ASCC3: variants seen among roughly 807,000 people sequenced by gnomAD.
The protein encoded by ASCC3 is activating signal cointegrator 1 complex subunit 3, also known as ASC-1 complex subunit P200.
Under a neutral mutation model 256.3 loss-of-function variants are expected in ASCC3, and 158 were observed. That is an observed-to-expected ratio of 0.62 (90% CI 0.54 to 0.70). The LOEUF (loss-of-function observed/expected upper bound fraction) is 0.70. ASCC3 is among the 30% of genes least tolerant of loss of function. The probability of loss-of-function intolerance (pLI) is 0.00; values close to 1 mark genes in which losing one functional copy is unlikely to be tolerated. For synonymous variants in ASCC3, 948 were observed against 883.4 expected, an observed-to-expected ratio of 1.07 and a Z score of -1.30; for missense variants, 2,259 against 2,626.0, an observed-to-expected ratio of 0.86 and a Z score of 3.05.
intron 33 of ASCC3, among the ~76,000 whole-genome samples, chr6:100,604,187 C>T (rs961739418): frequency 1.3e-5 from 2 of 151,894 alleles, no homozygotes; most frequent in Admixed American, 6.6e-5. Flanking sequence ...CTATTTGATA[C>T]AAAATTTAAA....
chr6:100,815,231 A>C (rs879316005), intron 4 of ASCC3, among the ~76,000 whole-genome samples: 1 of 152,080 alleles, frequency 6.6e-6, no homozygotes, highest in Non-Finnish European at 1.5e-5. Context: ...TCTCTACAAA[A>C]GGAACTACAA....
intron 36 of ASCC3, among the ~76,000 whole-genome samples, chr6:100,549,849 G>A (rs1769199741): frequency 6.6e-6 from 1 of 151,956 alleles, no homozygotes; most frequent in Non-Finnish European, 1.5e-5. Context: ...AACTGGATGT[G>A]TTGGAAAGTT....
At chr6:100,678,121 C>T (rs2114961905) in intron 14 of ASCC3, among the ~76,000 whole-genome samples, 1 of 152,180 alleles carries the variant, frequency 6.6e-6, no homozygotes, top group African/African-American at 2.4e-5. Flanking sequence ...ACACCAGTGA[C>T]CACTTAATAA....
chr6:100,738,381 A>G (rs1780280122), intron 10 of ASCC3, among the ~76,000 whole-genome samples: 1 of 151,970 alleles, frequency 6.6e-6, no homozygotes, highest in African/African-American at 2.4e-5. Flanking sequence ...ATCCATCTTG[A>G]GTTAATTTTT....
Position 100,679,746 on chromosome 6 carries a change from C to T in ASCC3, c.2158G>A (p.Val720Met). 6.2e-7 allele frequency: 1 copy of T among 1,613,400 alleles called. No individual in the cohort carries two copies. Among genetic ancestry groups the T allele is most frequent in the East Asian group, 2.2e-5 (1 of 44,756 alleles). ...KQVKAGHQVM[V>M]FVHARNATVR... The stretch of plus-strand genomic sequence containing the variant: ...GTGGCATTTCGAGCATGTACAAACA[C>T]CATCACCTGAAAAAAAGGAAAGCAG... The change falls in exon 14 of 42, where the codon GTG becomes ATG. Residue 720 changes from valine to methionine, a missense_variant. Val to Met is a conservative substitution (Grantham distance 21, BLOSUM62 1). Transcript: ENST00000369162.
At chr6:100,783,637 A>G (rs1782551416) in intron 8 of ASCC3, among the ~76,000 whole-genome samples, 1 of 152,104 alleles carries the variant, frequency 6.6e-6, no homozygotes, top group African/African-American at 2.4e-5. Flanking sequence ...CGTTTAAAGA[A>G]ACCAGAGAAG....
At position 100,799,665 on chromosome 6, in the gene ASCC3, T is replaced by C. The variant is rs571562412; in HGVS notation, c.1128-93A>G. On this transcript the variant is annotated intron_variant, in intron 6 of 41. Transcript: ENST00000369162. The stretch of plus-strand genomic sequence containing the variant: ...GGCAATTATAAAAGATATTGGGAGC[T>C]AGCCTTCCACCATAAAAAAGAAATT... 3.6e-5 allele frequency: 48 copies of C among 1,320,802 alleles called. 1 individual carries two copies. The South Asian group carries it at 4.6e-4, about 13-fold the overall frequency. The allele number at this position is 1,320,802 out of a possible 1,614,324, so 81.8% of individuals were successfully genotyped here.
chr6:100,834,476 T>C (rs1771780589), intron 4 of ASCC3, among the ~76,000 whole-genome samples: 3 of 152,146 alleles, frequency 2.0e-5, no homozygotes, highest in Admixed American at 2.0e-4. Context: ...AGATGTCTTA[T>C]TATAAGGAAC....
chr6:100,680,716 C>T (rs1158029330), intron 13 of ASCC3, among the ~76,000 whole-genome samples: 2 of 152,178 alleles, frequency 1.3e-5, no homozygotes, highest in African/African-American at 4.8e-5. Flanking sequence ...TAAATTCACA[C>T]ATCTAAATCT....
intron 33 of ASCC3, 83 bp downstream of exon 33, chr6:100,605,485 A>AT: frequency 3.8e-6 from 4 of 1,062,902 alleles, no homozygotes; most frequent in Admixed American, 2.2e-5. Flanking sequence ...TGTTTTACTG[A>AT]TTTTTATATA....
At chr6:100,784,395 C>A (rs1444807967) in intron 8 of ASCC3, among the ~76,000 whole-genome samples, 1 of 151,828 alleles carries the variant, frequency 6.6e-6, no homozygotes, top group Non-Finnish European at 1.5e-5. Context: ...AAAAAAGTAT[C>A]CAAGCGAAAT....
At chr6:100,538,710 T>A (rs1562103003) in intron 37 of ASCC3, among the ~76,000 whole-genome samples, 1 of 152,160 alleles carries the variant, frequency 6.6e-6, no homozygotes, top group Non-Finnish European at 1.5e-5. Flanking sequence ...TAATATTTTG[T>A]AGTGTTCTGA....
intron 4 of ASCC3, among the ~76,000 whole-genome samples, chr6:100,828,365 C>G (rs912271169): frequency 3.9e-5 from 6 of 152,242 alleles, no homozygotes; most frequent in South Asian, 2.1e-4. Flanking sequence ...TCCCCTTTAT[C>G]CGCGGTGGGG....
At chr6:100,576,503 G>A (rs912146195) in intron 36 of ASCC3, among the ~76,000 whole-genome samples, 1 of 151,728 alleles carries the variant, frequency 6.6e-6, no homozygotes, top group African/African-American at 2.4e-5. Context: ...AAAGGAAATA[G>A]GGTATAAAAA....
At chr6:100,869,686 A>G (rs372449190) in intron 1 of ASCC3, among the ~76,000 whole-genome samples, 2 of 152,328 alleles carry the variant, frequency 1.3e-5, no homozygotes, top group East Asian at 3.9e-4. Context: ...ATCAATAATC[A>G]TAATAAATAC....
intron 36 of ASCC3, among the ~76,000 whole-genome samples, chr6:100,566,615 T>C (rs767511410): frequency 1.3e-5 from 2 of 152,208 alleles, no homozygotes; most frequent in Non-Finnish European, 2.9e-5. Flanking sequence ...AATGGATAAA[T>C]TGTCTCTACT....
intron 37 of ASCC3, among the ~76,000 whole-genome samples, chr6:100,528,660 G>T (rs1774716911): frequency 6.6e-6 from 1 of 152,008 alleles, no homozygotes; most frequent in African/African-American, 2.4e-5. Context: ...AAATACTTGG[G>T]TGTTAAGGAA....
In ASCC3 at chr6:100,725,738, T is replaced by TA. The variant is rs1779588214; in HGVS notation, c.1738-36dup. On this transcript the variant is annotated intron_variant, in intron 10 of 41. Transcript: ENST00000369162. ...AAGACACATTTTAAAAGGGGAAAGTTACATAGGTTATTTAACATTGAACTG... is the reference window on the plus strand; with the variant it reads ...AAGACACATTTTAAAAGGGGAAAGTTAACATAGGTTATTTAACATTGAACTG... 7.5e-6 allele frequency: 12 copies of TA among 1,608,248 alleles called. 1 individual carries two copies. In the African/African-American group the frequency reaches 8.0e-5, roughly 11 times the overall value.
At chr6:100,711,161 CCTGGTCA>C (rs1350765217) in intron 13 of ASCC3, among the ~76,000 whole-genome samples, 1 of 152,142 alleles carries the variant, frequency 6.6e-6, no homozygotes, top group Non-Finnish European at 1.5e-5. Context: ...TACCTCCTTA[CCTGGTCA>C]TTAAGCATTA....
Sources: allele counts gnomAD v4.1 joint callset (sites outside exome capture counted in the v4.1 genomes callset), GRCh38; gene constraint gnomAD v4.1.1; transcripts MANE v1.5; gene names NCBI Gene and HGNC (gene_info 2026-07-23, HGNC 2026-07-21).